Variants in MTMR7 observed in about 807,000 individuals in gnomAD.
The protein encoded by MTMR7 is phosphatidylinositol-3-phosphate phosphatase MTMR7.
Under a neutral mutation model 81.2 loss-of-function variants are expected in MTMR7, and 76 were observed. The observed-to-expected ratio is 0.94, with a 90% confidence interval of 0.78 to 1.13. The LOEUF (loss-of-function observed/expected upper bound fraction) is 1.13, where lower values mean the gene tolerates loss of function less well. Ranked by LOEUF, MTMR7 falls within the 50% of genes most tolerant of loss-of-function variation. The pLI is 0.00. For missense variants in MTMR7, 1,044 were observed against 820.0 expected, an observed-to-expected ratio of 1.27 and a Z score of -3.34; for synonymous variants, 372 against 289.8, an observed-to-expected ratio of 1.28 and a Z score of -2.88.
At chr8:17,383,608 C>G (rs1222445214) in intron 1 of MTMR7, among the ~76,000 whole-genome samples, 1 of 152,260 alleles carries the variant, frequency 6.6e-6, no homozygotes, top group South Asian at 2.1e-4. Context: ...GCTCAACAGT[C>G]TCTCCTCCAT....
intron 7 of MTMR7, 26 bp from the exon 8 acceptor site, chr8:17,313,427 G>C (rs778032570): frequency 6.9e-7 from 1 of 1,451,718 alleles, no homozygotes; most frequent in Non-Finnish European, 9.6e-7. Flanking sequence ...TGTTATAAAA[G>C]CAAAATTAAG....
rs1470547814 is a variant in MTMR7, at chr8:17,341,366, A to C, written c.729T>G (p.Pro243=). Residue 243 remains proline, a synonymous_variant, in exon 6 of 14, where the codon CCT becomes CCG. Coordinates refer to ENST00000180173, the MANE Select transcript of MTMR7 (RefSeq NM_004686.5). ...GCATCGCAACGGTGACACTTACTTT[A>C]GGCCGGGTGTCAACGACATAAACGA... ...SDFVYVVDTR[P]KLNAMANRAA... 1.2e-6 allele frequency: 2 copies of C among 1,614,066 alleles called. No homozygotes were observed. The highest frequency in any genetic ancestry group is 1.7e-6 in the Non-Finnish European group (2 of 1,179,938).
intron 10 of MTMR7, among the ~76,000 whole-genome samples, chr8:17,308,673 A>T (rs1436476027): frequency 1.3e-5 from 2 of 152,342 alleles, no homozygotes; most frequent in South Asian, 4.1e-4. Flanking sequence ...ACAGGCATCA[A>T]CACTGACAAA....
intron 1 of MTMR7, among the ~76,000 whole-genome samples, chr8:17,397,682 C>T (rs116931435): frequency 0.032 from 4,941 of 152,278 alleles, 120 homozygotes; most frequent in Non-Finnish European, 0.052. Flanking sequence ...GCCTAACTGG[C>T]TTCTCCACCT....
At chr8:17,363,788 C>G (rs1410000729) in intron 3 of MTMR7, among the ~76,000 whole-genome samples, 1 of 151,960 alleles carries the variant, frequency 6.6e-6, no homozygotes, top group Non-Finnish European at 1.5e-5. Context: ...AAAAGCGCCA[C>G]TAGCACAGAT....
At chr8:17,360,455 A>C (rs1271956714) in intron 4 of MTMR7, among the ~76,000 whole-genome samples, 1 of 151,026 alleles carries the variant, frequency 6.6e-6, no homozygotes, top group Non-Finnish European at 1.5e-5. Flanking sequence ...AGAATGTTTT[A>C]AAAATGGGAT....
Position 17,299,734 on chromosome 8 carries a change from T to TCATA in MTMR7, c.*124_*127dup. 1.5e-6 allele frequency: 2 copies of TCATA among 1,355,296 alleles called. No individual in the cohort carries two copies. The highest frequency in any genetic ancestry group is 2.0e-6 in the Non-Finnish European group (2 of 995,382). 84.0% of individuals were successfully genotyped at this position (1,355,296 alleles called of 1,614,324 possible). A position where few individuals can be genotyped will look rare whatever the true frequency, so the allele number is the denominator to read the frequency against. On this transcript the variant is annotated 3_prime_UTR_variant, in exon 14 of 14. Transcript: ENST00000180173. ...AAGAACTGGGCACTTTTTTCCCTTT[T>TCATA]CATAGCTGCATTAAAGTAGTTCTCA...
chr8:17,348,077 G>T (rs555870232), intron 5 of MTMR7, among the ~76,000 whole-genome samples: 2 of 152,034 alleles, frequency 1.3e-5, no homozygotes, highest in Non-Finnish European at 2.9e-5. Context: ...GTAATTTTAC[G>T]CAACAGAAAA....
chr8:17,400,097 G>C (rs1821381201), intron 1 of MTMR7, among the ~76,000 whole-genome samples: 1 of 151,442 alleles, frequency 6.6e-6, no homozygotes, highest in African/African-American at 2.4e-5. Context: ...ATGAAGTATG[G>C]TTTCTCATCA....
intron 1 of MTMR7, among the ~76,000 whole-genome samples, chr8:17,400,226 T>A (rs560705580): frequency 2.6e-5 from 4 of 152,218 alleles, no homozygotes; most frequent in Non-Finnish European, 5.9e-5. Flanking sequence ...AATAACACTA[T>A]AGCTACTGTG....
At chr8:17,390,061 C>T (rs1330642485) in intron 1 of MTMR7, among the ~76,000 whole-genome samples, 1 of 115,508 alleles carries the variant, frequency 8.7e-6, no homozygotes, top group Non-Finnish European at 1.8e-5. Context: ...AGCATGGAAA[C>T]AGGGAATATG....
At chr8:17,318,658 G>A (rs138761579) in intron 7 of MTMR7, among the ~76,000 whole-genome samples, 9 of 152,304 alleles carry the variant, frequency 5.9e-5, no homozygotes, top group African/African-American at 1.9e-4. Context: ...CTCTTGTCTG[G>A]ATGGTTCCAG....
chr8:17,403,967 T>C (rs915954912), intron 1 of MTMR7, among the ~76,000 whole-genome samples: 2 of 152,208 alleles, frequency 1.3e-5, no homozygotes, highest in African/African-American at 4.8e-5. Flanking sequence ...CAATCTTTTT[T>C]TGGTGGAGTC....
At chr8:17,391,024 T>C (rs1354235652) in intron 1 of MTMR7, among the ~76,000 whole-genome samples, 2 of 152,026 alleles carry the variant, frequency 1.3e-5, no homozygotes, top group Non-Finnish European at 2.9e-5. Context: ...CCAGAATGAG[T>C]GAGAAAGCCA....
chr8:17,336,798 G>A lies in MTMR7; in HGVS notation c.732+4565C>T, dbSNP rs1819253861. ...CAGAGGAGCTGCTGGGAGGTTCTCT[G>A]GCCTCGTCAGGCGTGTGCTCAGAGG... On this transcript the variant is annotated intron_variant, in intron 6 of 13. Transcript: ENST00000180173. Among the ~76,000 whole-genome samples the A allele has an allele frequency of 2.0e-5, 3 of 152,166 alleles. No homozygotes were observed. The South Asian group carries it at 6.2e-4, about 31-fold the overall frequency.
chr8:17,394,331 G>A (rs1184911076), intron 1 of MTMR7, among the ~76,000 whole-genome samples: 1 of 152,176 alleles, frequency 6.6e-6, no homozygotes, highest in Admixed American at 6.5e-5. Context: ...CAAATGTGGG[G>A]TATATCCATG....
In MTMR7 at chr8:17,329,331, G is replaced by A. The variant is rs185427120; in HGVS notation, c.865+1819C>T. Among the ~76,000 whole-genome samples, 826 of 152,258 alleles carry A rather than the reference G, an allele frequency of 5.4e-3. 8 individuals are homozygous for A. The highest frequency in any genetic ancestry group is 7.9e-3 in the Admixed American group (121 of 15,296). On this transcript the variant is annotated intron_variant, in intron 7 of 13. Transcript: ENST00000180173. ...ATAGTCAAACATTGGTCAAGACCACGTACAGGCATCCAGAAAGATATCCTA... is the reference window on the plus strand; with the variant it reads ...ATAGTCAAACATTGGTCAAGACCACATACAGGCATCCAGAAAGATATCCTA...
At chr8:17,312,944 AAAG>A (rs1199564879) in intron 8 of MTMR7, among the ~76,000 whole-genome samples, 1 of 152,236 alleles carries the variant, frequency 6.6e-6, no homozygotes, top group Non-Finnish European at 1.5e-5. Context: ...CCATGACTAA[AAAG>A]AAGGCTCTAC....
intron 3 of MTMR7, among the ~76,000 whole-genome samples, chr8:17,367,511 T>A (rs905683332): frequency 1.3e-5 from 2 of 152,210 alleles, no homozygotes; most frequent in African/African-American, 4.8e-5. Context: ...CTAACTTAGT[T>A]CTTTACCAAG....
Sources: gnomAD v4.1 joint callset for allele counts (sites outside exome capture counted in the v4.1 genomes callset) on GRCh38, gnomAD v4.1.1 for gene constraint, MANE v1.5 for transcripts, NCBI Gene and HGNC (gene_info 2026-07-23, HGNC 2026-07-21) for gene names.